CDH4: variants seen among roughly 807,000 people sequenced by gnomAD.
The protein encoded by CDH4 is cadherin 4, also known as cadherin-4.
CDH4 carries 33 observed loss-of-function variants against 86.0 expected under a neutral mutation model. The ratio of observed to expected loss-of-function variants is 0.38; its 90% confidence interval spans 0.29 to 0.51. The LOEUF is 0.51. CDH4 is among the 20% of genes least tolerant of loss of function. CDH4 has a pLI of 0.86. For synonymous variants in CDH4, 555 were observed against 549.4 expected (o/e 1.01, Z -0.14); for missense variants, 1,114 against 1,307.4 (o/e 0.85, Z 2.28).
intron 2 of CDH4, among the ~76,000 whole-genome samples, chr20:61,628,826 A>G (rs941903792): frequency 6.6e-6 from 1 of 152,232 alleles, no homozygotes; most frequent in Non-Finnish European, 1.5e-5. Context: ...CATCATGGGC[A>G]CAGACAAGTG....
At chr20:61,928,541 C>T in intron 12 of CDH4, 118 bp downstream of exon 12, 3 of 829,934 alleles carry the variant, frequency 3.6e-6, no homozygotes, top group Middle Eastern at 2.9e-4. Flanking sequence ...TCCAACAGGA[C>T]TGTCCCACCA....
At chr20:61,785,113 T>C (rs1344801363) in intron 4 of CDH4, among the ~76,000 whole-genome samples, 1 of 152,154 alleles carries the variant, frequency 6.6e-6, no homozygotes, top group East Asian at 1.9e-4. Flanking sequence ...AGCATGTGGC[T>C]CTAGGGCTCA....
rs370767918 is a variant in CDH4, at chr20:61,418,279, C to T, written c.169+163342C>T. 2.1e-4 allele frequency among the ~76,000 whole-genome samples: 32 copies of T among 150,892 alleles called. No individual in the cohort carries two copies. The South Asian group carries it at 5.2e-3, about 25-fold the overall frequency. On this transcript the variant is annotated intron_variant, in intron 2 of 15. Coordinates refer to ENST00000614565, the MANE Select transcript of CDH4 (RefSeq NM_001794.5). ...AGGCTGGACTGCAGTGGCACCATCT[C>T]GGCTCACTGCAAGCTCCGCCTCCCG...
At chr20:61,874,669 C>CCAG (rs1261368284) in intron 7 of CDH4, among the ~76,000 whole-genome samples, 1 of 152,214 alleles carries the variant, frequency 6.6e-6, no homozygotes, top group Non-Finnish European at 1.5e-5. Flanking sequence ...AAGCGCCCCA[C>CCAG]CAGCAGCACC....
rs572665367 is a variant in CDH4 at position 61,731,622 on chromosome 20, G to A, written c.170-11941G>A. On this transcript the variant is annotated intron_variant, in intron 2 of 15. Transcript: ENST00000614565. ...ATGTTTGTAGAATCGGAAAAGCGCC[G>A]TTTCCAGCGGGACGCCTCCTGCCAA... Among the ~76,000 whole-genome samples the A allele has an allele frequency of 1.5e-4, 23 of 152,332 alleles. No homozygotes were observed. In the East Asian group the frequency reaches 1.5e-3, roughly 10 times the overall value.
At chr20:61,837,766 C>A (rs1448820998) in intron 4 of CDH4, among the ~76,000 whole-genome samples, 1 of 152,060 alleles carries the variant, frequency 6.6e-6, no homozygotes, top group Non-Finnish European at 1.5e-5. Context: ...AGAGCACCCC[C>A]CCCGTGGGTC....
At chr20:61,511,237 G>A (rs113956422) in intron 2 of CDH4, among the ~76,000 whole-genome samples, 12 of 152,346 alleles carry the variant, frequency 7.9e-5, no homozygotes, top group African/African-American at 1.9e-4. Context: ...ATGTGTGCGC[G>A]TTAGAATCAC....
rs112629614 is a variant in CDH4 at position 61,572,699 on chromosome 20, C to T, written c.170-170864C>T. On this transcript the variant is annotated intron_variant, in intron 2 of 15. Transcript: ENST00000614565. ...TATTTCCACCATCTGGATCAGTTTG[C>T]GTCACACAAAAGAGGAGTCCTTCTC... 3.7e-3 allele frequency among the ~76,000 whole-genome samples: 560 copies of T among 152,318 alleles called. 4 individuals are homozygous for T. The highest frequency in any genetic ancestry group is 6.3e-3 in the Admixed American group (96 of 15,308).
At chr20:61,895,093 A>G (rs376487285) in intron 8 of CDH4, 46 bp downstream of exon 8, 1 of 1,600,952 alleles carries the variant, frequency 6.2e-7, no homozygotes, top group Non-Finnish European at 8.5e-7. Context: ...CGTGCAGGGC[A>G]GGAATGCACT....
chr20:61,576,579 C>T (rs1431152821), intron 2 of CDH4, among the ~76,000 whole-genome samples: 1 of 152,158 alleles, frequency 6.6e-6, no homozygotes, highest in African/African-American at 2.4e-5. Context: ...CATCACTAAT[C>T]GATCCCACTC....
At chr20:61,441,270 G>A (rs1240392735) in intron 2 of CDH4, among the ~76,000 whole-genome samples, 1 of 152,092 alleles carries the variant, frequency 6.6e-6, no homozygotes, top group Non-Finnish European at 1.5e-5. Flanking sequence ...CAGAATCAGG[G>A]GTTTCAGAAG....
chr20:61,265,571 C>A (rs994621539), intron 2 of CDH4, among the ~76,000 whole-genome samples: 1 of 152,200 alleles, frequency 6.6e-6, no homozygotes, highest in Non-Finnish European at 1.5e-5. Context: ...CTCAATCTTA[C>A]ACGGACCTCA....
intron 2 of CDH4, among the ~76,000 whole-genome samples, chr20:61,443,597 T>G (rs554551749): frequency 1.9e-3 from 296 of 152,330 alleles, no homozygotes; most frequent in African/African-American, 6.9e-3. Flanking sequence ...GCCCTTTCCC[T>G]ATTAGCTGCC....
chr20:61,677,908 G>A (rs6089471), intron 2 of CDH4, among the ~76,000 whole-genome samples: 93,117 of 151,742 alleles, frequency 0.61, 28,893 homozygotes, highest in African/African-American at 0.69. Context: ...TAAATGATAG[G>A]TGATAGATAC....
At chr20:61,727,321 A>G (rs1042028814) in intron 2 of CDH4, among the ~76,000 whole-genome samples, 2 of 152,134 alleles carry the variant, frequency 1.3e-5, no homozygotes, top group Non-Finnish European at 1.5e-5. Context: ...CATCATCACC[A>G]TCGGTGCCAT....
intron 2 of CDH4, among the ~76,000 whole-genome samples, chr20:61,556,980 C>T (rs948029466): frequency 1.3e-5 from 2 of 152,070 alleles, no homozygotes; most frequent in Non-Finnish European, 2.9e-5. Context: ...TCAATTTAAT[C>T]GAAAGAAAAG....
At chr20:61,808,501 AATG>A (rs1980256896) in intron 4 of CDH4, among the ~76,000 whole-genome samples, 1 of 152,066 alleles carries the variant, frequency 6.6e-6, no homozygotes, top group Non-Finnish European at 1.5e-5. Context: ...TCTAGATCTT[AATG>A]ATGTGTAGGT....
At chr20:61,340,357 T>C (rs2084643540) in intron 2 of CDH4, among the ~76,000 whole-genome samples, 1 of 152,230 alleles carries the variant, frequency 6.6e-6, no homozygotes. Flanking sequence ...GCTGCCAGCC[T>C]GCCGCTGTCC....
intron 7 of CDH4, 81 bp from the exon 8 acceptor site, chr20:61,894,829 C>T (rs375062537): frequency 1.3e-5 from 19 of 1,470,800 alleles, no homozygotes; most frequent in East Asian, 6.8e-5. Flanking sequence ...TTCCTGTAAA[C>T]GGATTTCTTT....
Sources: allele counts gnomAD v4.1 joint callset (sites outside exome capture counted in the v4.1 genomes callset), GRCh38; gene constraint gnomAD v4.1.1; transcripts MANE v1.5; gene names NCBI Gene and HGNC (gene_info 2026-07-23, HGNC 2026-07-21).